Variants in KCNH8 observed in about 807,000 individuals in gnomAD.
The protein encoded by KCNH8 is voltage-gated delayed rectifier potassium channel KCNH8.
KCNH8 carries 70 observed loss-of-function variants against 103.6 expected under a neutral mutation model. The ratio of observed to expected loss-of-function variants is 0.68; its 90% CI spans 0.56 to 0.82. The LOEUF (loss-of-function observed/expected upper bound fraction) is 0.82, where lower values mean the gene tolerates loss of function less well. KCNH8 is among the 40% of genes least tolerant of loss of function. The probability of loss-of-function intolerance (pLI) is 0.00; values close to 1 mark genes in which losing one functional copy is unlikely to be tolerated. For missense variants in KCNH8, 1,217 were observed against 1,329.9 expected (o/e 0.92, Z 1.32); for synonymous variants, 498 against 489.4 (o/e 1.02, Z -0.23).
In KCNH8 at chr3:19,518,012, G is replaced by C; in HGVS notation, c.2557G>C (p.Ala853Pro). The change falls in exon 15 of 16, where the codon GCT (alanine) becomes CCT (proline). Residue 853 changes from alanine to proline, a missense_variant. Coordinates refer to ENST00000328405, the MANE Select transcript of KCNH8 (RefSeq NM_144633.3). ...SPPLGDPEIG[A>P]AVLFIKAEET... ...TCACTTTTCAGATCCAGAGATTGGA[G>C]CTGCTGTTCTCTTCATCAAAGCAGA... The C allele has an allele frequency of 6.2e-7, 1 of 1,612,054 alleles. No homozygotes were observed. The highest frequency in any genetic ancestry group is 1.1e-5 in the South Asian group (1 of 91,046).
At chr3:19,194,015 AG>A (rs1187875014) in intron 1 of KCNH8, among the ~76,000 whole-genome samples, 1 of 151,736 alleles carries the variant, frequency 6.6e-6, no homozygotes, top group Non-Finnish European at 1.5e-5. Flanking sequence ...ATATTTGGAA[AG>A]GAAAAGACAG....
intron 1 of KCNH8, among the ~76,000 whole-genome samples, chr3:19,187,973 G>A (rs574736214): frequency 2.0e-4 from 30 of 151,968 alleles, no homozygotes; most frequent in African/African-American, 4.6e-4. Flanking sequence ...ACGTACCAGC[G>A]TCACCAGATA....
At chr3:19,263,637 G>T (rs184280281) in intron 2 of KCNH8, among the ~76,000 whole-genome samples, 2 of 152,204 alleles carry the variant, frequency 1.3e-5, no homozygotes, top group Non-Finnish European at 2.9e-5. Flanking sequence ...GAACCAGGCA[G>T]AAGCTGCAAG....
chr3:19,319,380 C>A lies in KCNH8; in HGVS notation c.443-23207C>A, dbSNP rs571194234. On this transcript the variant is annotated intron_variant, in intron 3 of 15. Transcript: ENST00000328405. ...GAGCATCCAGTTTCATTCTTCTACA[C>A]GTGGCTTGCCAATTATCCCAGCACC... 3.3e-5 allele frequency among the ~76,000 whole-genome samples: 5 copies of A among 151,800 alleles called. No individual in the cohort carries two copies. The South Asian group carries it at 1.0e-3, about 31-fold the overall frequency.
At chr3:19,519,848 C>G (rs1053636965) in intron 15 of KCNH8, among the ~76,000 whole-genome samples, 1 of 151,822 alleles carries the variant, frequency 6.6e-6, no homozygotes. Context: ...TAAAAACTGA[C>G]TGACCTATAT....
chr3:19,506,381 T>A (rs1182872402), intron 11 of KCNH8, among the ~76,000 whole-genome samples: 1 of 152,230 alleles, frequency 6.6e-6, no homozygotes, highest in African/African-American at 2.4e-5. Context: ...GGCCTTTATT[T>A]TTAGCTGAGC....
At chr3:19,219,914 C>G (rs894348089) in intron 1 of KCNH8, among the ~76,000 whole-genome samples, 2 of 152,176 alleles carry the variant, frequency 1.3e-5, no homozygotes, top group African/African-American at 4.8e-5. Context: ...AAGCAAAAAG[C>G]TCCTAAAGTA....
intron 1 of KCNH8, among the ~76,000 whole-genome samples, chr3:19,208,145 T>C (rs893413924): frequency 1.3e-5 from 2 of 151,966 alleles, no homozygotes; most frequent in African/African-American, 4.8e-5. Context: ...GAAATTCATT[T>C]CCCAAGATTC....
intron 11 of KCNH8, among the ~76,000 whole-genome samples, chr3:19,470,174 G>A (rs78385387): frequency 0.046 from 6,958 of 152,178 alleles, 375 homozygotes; most frequent in East Asian, 0.26. Context: ...GACATTGATT[G>A]TAAACAATAG....
intron 5 of KCNH8, among the ~76,000 whole-genome samples, chr3:19,387,921 A>G (rs1029252213): frequency 1.3e-5 from 2 of 151,950 alleles, no homozygotes; most frequent in East Asian, 1.9e-4. Context: ...TGACTTACCC[A>G]AGAAAATACC....
intron 5 of KCNH8, among the ~76,000 whole-genome samples, chr3:19,372,024 A>G (rs2066105294): frequency 6.6e-6 from 1 of 152,078 alleles, no homozygotes. Context: ...GCCTTGTAGT[A>G]TAGTTTGAAG....
chr3:19,435,131 C>T (rs528766138), intron 7 of KCNH8, among the ~76,000 whole-genome samples: 15 of 151,928 alleles, frequency 9.9e-5, no homozygotes, highest in African/African-American at 3.1e-4. Flanking sequence ...ATATGTATAT[C>T]GAAACATCAT....
chr3:19,225,902 C>G (rs2063925314), intron 1 of KCNH8, among the ~76,000 whole-genome samples: 1 of 152,144 alleles, frequency 6.6e-6, no homozygotes, highest in Admixed American at 6.5e-5. Context: ...TGTGCTAGGT[C>G]AGGTATACAT....
At chr3:19,330,708 G>A (rs1030270133) in intron 3 of KCNH8, among the ~76,000 whole-genome samples, 3 of 152,032 alleles carry the variant, frequency 2.0e-5, no homozygotes, top group African/African-American at 7.2e-5. Flanking sequence ...TTTTGTTTTG[G>A]TATCATATAG....
At chr3:19,448,165 A>G (rs1158951500) in intron 8 of KCNH8, among the ~76,000 whole-genome samples, 1 of 151,960 alleles carries the variant, frequency 6.6e-6, no homozygotes, top group Non-Finnish European at 1.5e-5. Context: ...TTTTTAAAAA[A>G]TACATTTGTC....
intron 11 of KCNH8, among the ~76,000 whole-genome samples, chr3:19,493,838 A>T (rs1006917131): frequency 6.6e-6 from 1 of 152,104 alleles, no homozygotes; most frequent in African/African-American, 2.4e-5. Flanking sequence ...TGAACCATTA[A>T]TATAGATTGT....
At chr3:19,458,952 G>A (rs1218136442) in intron 11 of KCNH8, among the ~76,000 whole-genome samples, 1 of 151,928 alleles carries the variant, frequency 6.6e-6, no homozygotes, top group East Asian at 1.9e-4. Context: ...AGGCTGAATA[G>A]TATTTCATTG....
At chr3:19,398,052 C>T (rs921429104) in intron 7 of KCNH8, among the ~76,000 whole-genome samples, 1 of 151,854 alleles carries the variant, frequency 6.6e-6, no homozygotes, top group African/African-American at 2.4e-5. Flanking sequence ...GATGAGAGAG[C>T]ATGTTGTTCC....
At chr3:19,477,421 TTTC>T (rs149731233) in intron 11 of KCNH8, among the ~76,000 whole-genome samples, 5,995 of 148,586 alleles carry the variant, frequency 0.04, 281 homozygotes, top group East Asian at 0.23. Flanking sequence ...TTTTTTTGGT[TTTC>T]TTTTTTTTTT....
Sources: gnomAD v4.1 joint callset for allele counts (sites outside exome capture counted in the v4.1 genomes callset) on GRCh38, gnomAD v4.1.1 for gene constraint, MANE v1.5 for transcripts, NCBI Gene and HGNC (gene_info 2026-07-23, HGNC 2026-07-21) for gene names.